Variants in IGFALS observed in about 807,000 individuals in gnomAD.
IGFALS encodes the protein insulin-like growth factor-binding protein complex acid labile subunit.
A neutral mutation model predicts 2.6 loss-of-function variants in IGFALS; 2 were observed. The ratio of observed to expected loss-of-function variants is 0.77; its 90% CI spans 0.32 to 2.44. The LOEUF is 2.44. Ranked by LOEUF, IGFALS falls within the 30% of genes most tolerant of loss-of-function variation. The pLI is 0.11. For synonymous variants in IGFALS, 519 were observed against 431.9 expected (o/e 1.20, Z -2.50); for missense variants, 996 against 848.7 (o/e 1.17, Z -2.16).
At position 1,791,583 on chromosome 16, in the gene IGFALS, C is replaced by A; in HGVS notation, c.835G>T (p.Ala279Ser). The change falls in exon 2 of 2, where the codon GCT becomes TCT. Residue 279 changes from alanine (A) to serine (S), a missense_variant. Ala to Ser is a moderately conservative substitution (Grantham distance 99). Transcript: ENST00000215539. ...GGGAACGTGTCCTCCAGGAGGCCAG[C>A]CACGCGGTTGTGGGACAGGTCCAGC... is the stretch of plus-strand genomic sequence containing the variant. ...RWLDLSHNRV[A>S]GLLEDTFPGL... The A allele has an allele frequency of 6.4e-7, 1 of 1,563,326 alleles. No homozygotes were observed. Among genetic ancestry groups the A allele is most frequent in the Non-Finnish European group, 8.7e-7 (1 of 1,155,776 alleles).
At position 1,791,152 on chromosome 16, in the gene IGFALS, G is replaced by A. The variant is rs36068954; in HGVS notation, c.1266C>T (p.Leu422=). 4.2e-4 allele frequency: 669 copies of A among 1,606,462 alleles called. No individual in the cohort carries two copies. The highest frequency in any genetic ancestry group is 1.3e-3 in the South Asian group (119 of 91,070). The change falls in exon 2 of 2, where the codon CTC becomes CTT. Residue 422 remains leucine (L), a synonymous_variant. Coordinates refer to ENST00000215539, the MANE Select transcript of IGFALS (RefSeq NM_004970.3). The part of the protein sequence containing the change: ...LRRLFLKDNG[L]VGIEEQSLWG... ...ACAGGCTCTGCTCCTCAATGCCCAC[G>A]AGGCCGTTGTCCTTGAGGAAGAGTC...
rs9282731 is a variant in IGFALS at position 1,790,776 on chromosome 16, G to T, written c.1642C>A (p.Arg548=). The change falls in exon 2 of 2, where the codon CGG becomes AGG. Residue 548 remains arginine, a synonymous_variant. Transcript: ENST00000215539. ...WDCGCPLKAL[R]DFALQNPSAV... ...CTGGGGTTCTGCAGGGCGAAGTCCC[G>T]CAGCGCCTTGAGAGGGCAGCCACAG... 3 of 1,583,076 alleles carry T rather than the reference G, an allele frequency of 1.9e-6. No homozygotes were observed. The highest frequency in any genetic ancestry group is 1.3e-5 in the African/African-American group (1 of 74,174).
At chr16:1,792,482 C>G in intron 1 of IGFALS, 81 bp from the exon 2 acceptor site, 2 of 1,456,144 alleles carry the variant, frequency 1.4e-6, no homozygotes, top group Non-Finnish European at 1.8e-6. Context: ...CCGGAAGCGG[C>G]GCTCAGGTGT....
Position 1,791,676 on chromosome 16 carries a change from AGAGTTTCTGGAG to A in IGFALS, c.730_741del (p.Leu244_Leu247del). 6.3e-7 allele frequency: 1 copy of A among 1,582,952 alleles called. No individual in the cohort carries two copies. Among genetic ancestry groups the A allele is most frequent in the Non-Finnish European group, 8.6e-7 (1 of 1,167,990 alleles). ...GCAGCGATGAGGTTGCGGTCCAGGTAGAGTTTCTGGAGCCGGGGCAGCTGCACGAACACGTTT... is the reference window on the plus strand; with the variant it reads ...GCAGCGATGAGGTTGCGGTCCAGGTACCGGGGCAGCTGCACGAACACGTTT... On this transcript the variant is annotated inframe_deletion, in exon 2 of 2. Coordinates refer to ENST00000215539, the MANE Select transcript of IGFALS (RefSeq NM_004970.3).
chr16:1,791,090 G>A lies in IGFALS; in HGVS notation c.1328C>T (p.Ser443Phe). The A allele has an allele frequency of 1.2e-6, 2 of 1,600,080 alleles. No individual in the cohort carries two copies. The highest frequency in any genetic ancestry group is 1.7e-6 in the Non-Finnish European group (2 of 1,179,738). Residue 443 changes from serine (S) to phenylalanine (F), a missense_variant, in exon 2 of 2, where the codon TCC (serine) becomes TTC (phenylalanine). Coordinates refer to ENST00000215539, the MANE Select transcript of IGFALS (RefSeq NM_004970.3). ...LAELLELDLT[S>F]NQLTHLPHRL... ...GTGGGGCAGGTGCGTGAGCTGGTTG[G>A]AGGTCAGGTCGAGCTCCAGCAGCTC...
At position 1,792,135 on chromosome 16, in the gene IGFALS, G is replaced by A; in HGVS notation, c.283C>T (p.Gln95Ter). 6.2e-7 allele frequency: 1 copy of A among 1,611,584 alleles called. No individual in the cohort carries two copies. Among genetic ancestry groups the A allele is most frequent in the South Asian group, 1.1e-5 (1 of 90,916 alleles). Residue 95 changes from glutamine (Q) to a stop codon, truncating the protein, a stop_gained, in exon 2 of 2, where the codon CAG (glutamine) becomes TAG (stop). Coordinates refer to ENST00000215539, the MANE Select transcript of IGFALS (RefSeq NM_004970.3). LOFTEE classifies it low-confidence loss of function (END_TRUNC). The stretch of plus-strand genomic sequence containing the variant: ...AGGAAGCCCAGGCTGGAGAGGTTCT[G>A]GAAGGCTGCCGGGGGGACGGACGAG... ...NLSSVPPAAFQNLSSLGFLNL... is the reference protein window; with the variant it reads ...NLSSVPPAAF
chr16:1,794,135 G>A (rs1055284243), upstream of IGFALS, among the ~76,000 whole-genome samples: 1 of 152,062 alleles, frequency 6.6e-6, no homozygotes, highest in African/African-American at 2.4e-5. Flanking sequence ...GGGCTAAGGG[G>A]CTGCCGCCCC....
rs1897195576 is a variant in IGFALS, at chr16:1,790,620, C to T, written c.1798G>A (p.Ala600Thr). Residue 600 changes from alanine to threonine, a missense_variant, in exon 2 of 2, where the codon GCC becomes ACC. Coordinates refer to ENST00000215539, the MANE Select transcript of IGFALS (RefSeq NM_004970.3). ...VGLDLRDLSE[A>T]HFAPC ...CCTGGTCAGCAGGGAGCAAAGTGGG[C>T]CTCGCTGAGGTCCCGCAGGTCGAGC... 6.4e-7 allele frequency: 1 copy of T among 1,571,658 alleles called. No homozygotes were observed. The highest frequency in any genetic ancestry group is 8.6e-7 in the Non-Finnish European group (1 of 1,159,534).
rs1330460341 is a variant in IGFALS at position 1,792,104 on chromosome 16, A to C, written c.314T>G (p.Leu105Arg). The C allele has an allele frequency of 6.2e-7, 1 of 1,610,716 alleles. No individual in the cohort carries two copies. The highest frequency in any genetic ancestry group is 1.7e-5 in the Admixed American group (1 of 59,772). Residue 105 changes from leucine (L) to arginine (R), a missense_variant, in exon 2 of 2, where the codon CTG becomes CGG. By Grantham distance (102) the Leu-to-Arg change is moderately radical. Transcript: ENST00000215539. ...CAGGCTGCCCAGCTGGCCGCCCTGCAGGTTGAGGAAGCCCAGGCTGGAGAG... is the reference window on the plus strand; with the variant it reads ...CAGGCTGCCCAGCTGGCCGCCCTGCCGGTTGAGGAAGCCCAGGCTGGAGAG... ...QNLSSLGFLNLQGGQLGSLEP... is the reference protein window; with the variant it reads ...QNLSSLGFLNRQGGQLGSLEP...
chr16:1,791,484 C>T lies in IGFALS; in HGVS notation c.934G>A (p.Asp312Asn), dbSNP rs751642946. 13 of 1,611,822 alleles carry T rather than the reference C, an allele frequency of 8.1e-6. No individual in the cohort carries two copies. In the East Asian group the frequency reaches 2.7e-4, roughly 33 times the overall value. ...IASLRPRTFKDLHFLEELQLG... is the reference protein window; with the variant it reads ...IASLRPRTFKNLHFLEELQLG... ...TGCAGCTCCTCCAGGAAGTGCAGGT[C>T]CTTGAAGGTGCGGGGCCGCAGGCTG... Residue 312 changes from aspartate (D) to asparagine (N), a missense_variant, in exon 2 of 2, where the codon GAC (aspartate) becomes AAC (asparagine). Transcript: ENST00000215539.
At chr16:1,794,299 A>G (rs946916592), upstream of IGFALS, among the ~76,000 whole-genome samples, 3 of 152,114 alleles carry the variant, frequency 2.0e-5, no homozygotes, top group Non-Finnish European at 4.4e-5. Context: ...GTGTCTGGCC[A>G]CTGCCCCGCC....
rs1436512613 is a variant in IGFALS at position 1,791,576 on chromosome 16, A to G, written c.842T>C (p.Leu281Pro). ...LDLSHNRVAG[L>P]LEDTFPGLLG... ...CAGACCGGGGAACGTGTCCTCCAGG[A>G]GGCCAGCCACGCGGTTGTGGGACAG... The change falls in exon 2 of 2, where the codon CTC becomes CCC. Residue 281 changes from leucine to proline, a missense_variant. Transcript: ENST00000215539. 3.8e-6 allele frequency: 6 copies of G among 1,563,976 alleles called. No individual in the cohort carries two copies. The highest frequency in any genetic ancestry group is 5.2e-6 in the Non-Finnish European group (6 of 1,156,406).
chr16:1,792,137 A>G lies in IGFALS; in HGVS notation c.281T>C (p.Phe94Ser), dbSNP rs1897243869. ...GAAGCCCAGGCTGGAGAGGTTCTGGAAGGCTGCCGGGGGGACGGACGAGAG... is the reference window on the plus strand; with the variant it reads ...GAAGCCCAGGCTGGAGAGGTTCTGGGAGGCTGCCGGGGGGACGGACGAGAG... ...NNLSSVPPAA[F>S]QNLSSLGFLN... The change falls in exon 2 of 2, where the codon TTC (phenylalanine) becomes TCC (serine). Residue 94 changes from phenylalanine to serine, a missense_variant. By Grantham distance (155) the Phe-to-Ser change is radical. Coordinates refer to ENST00000215539, the MANE Select transcript of IGFALS (RefSeq NM_004970.3). 3 of 1,611,438 alleles carry G rather than the reference A, an allele frequency of 1.9e-6. No individual in the cohort carries two copies. The highest frequency in any genetic ancestry group is 2.5e-6 in the Non-Finnish European group (3 of 1,179,686).
intron 1 of IGFALS, among the ~76,000 whole-genome samples, chr16:1,792,793 G>A (rs921167784): frequency 6.6e-6 from 1 of 152,332 alleles, no homozygotes; most frequent in Non-Finnish European, 1.5e-5. Context: ...CATTGGCCAA[G>A]GTCCGGCCAT....
Position 1,790,533 on chromosome 16 carries a change from G to C in IGFALS, c.*67C>G. The C allele has an allele frequency of 7.4e-7, 1 of 1,351,722 alleles. No homozygotes were observed. Among genetic ancestry groups the C allele is most frequent in the Non-Finnish European group, 1.0e-6 (1 of 970,280 alleles). The allele number at this position is 1,351,722 out of a possible 1,614,324, so 83.7% of individuals were successfully genotyped here. Reference sequence around the variant, plus strand: ...TGGGCAGGCCCCTGAGGACACTGAGGACCTGTCCCCAGCACAAGGTGAGCC... The same window carrying C: ...TGGGCAGGCCCCTGAGGACACTGAGCACCTGTCCCCAGCACAAGGTGAGCC... On this transcript the variant is annotated 3_prime_UTR_variant, in exon 2 of 2. Transcript: ENST00000215539.
Position 1,790,662 on chromosome 16 carries a change from G to T in IGFALS, c.1756C>A (p.Pro586Thr), listed in dbSNP as rs1488162151. ...YTYNNITCAS[P>T]PEVVGLDLRD... ...AGGTCGAGCCCCACGACCTCGGGCG[G>T]GCTGGCACAGGTGATGTTGTTGTAG... The change falls in exon 2 of 2, where the codon CCG becomes ACG. Residue 586 changes from proline (P) to threonine (T), a missense_variant. Pro to Thr is a conservative substitution (Grantham distance 38, BLOSUM62 -1). Coordinates refer to ENST00000215539, the MANE Select transcript of IGFALS (RefSeq NM_004970.3). 1.2e-6 allele frequency: 2 copies of T among 1,601,182 alleles called. No homozygotes were observed. Among genetic ancestry groups the T allele is most frequent in the Admixed American group, 3.4e-5 (2 of 58,086 alleles).
chr16:1,793,764 G>C, upstream of IGFALS: 3 of 1,151,216 alleles, frequency 2.6e-6, no homozygotes, highest in Non-Finnish European at 3.7e-6. Flanking sequence ...CCTGTCACCT[G>C]GCTGGCCCAA....
chr16:1,791,724 C>T lies in IGFALS; in HGVS notation c.694G>A (p.Ala232Thr), dbSNP rs1448137368. The T allele has an allele frequency of 1.3e-6, 2 of 1,558,654 alleles. No individual in the cohort carries two copies. The highest frequency in any genetic ancestry group is 1.9e-5 in the Admixed American group (1 of 53,188). The change falls in exon 2 of 2, where the codon GCC becomes ACC. Residue 232 changes from alanine (A) to threonine (T), a missense_variant. Transcript: ENST00000215539. Reference sequence around the variant, plus strand: ...TGCACGAACACGTTTGCCTTGATGGCCCGCAGCGCGTTCCTGCTCAGGTCC... The same window carrying T: ...TGCACGAACACGTTTGCCTTGATGGTCCGCAGCGCGTTCCTGCTCAGGTCC... ...ELDLSRNALR[A>T]IKANVFVQLP... is the part of the protein sequence containing the mutation.
chr16:1,793,093 C>T (rs969220200), intron 1 of IGFALS, among the ~76,000 whole-genome samples: 8 of 152,240 alleles, frequency 5.3e-5, no homozygotes, highest in African/African-American at 1.9e-4. Flanking sequence ...CCCAAAACCT[C>T]TACTGTATGG....
Sources: gnomAD v4.1 joint callset for allele counts (sites outside exome capture counted in the v4.1 genomes callset) on GRCh38, gnomAD v4.1.1 for gene constraint, MANE v1.5 for transcripts, NCBI Gene and HGNC (gene_info 2026-07-23, HGNC 2026-07-21) for gene names.